The following GRIN2A variants were observed in gnomAD, a reference collection of about 807,000 sequenced individuals.
GRIN2A encodes glutamate receptor ionotropic, NMDA 2A.
A neutral mutation model predicts 113.4 loss-of-function variants in GRIN2A; 22 were observed. The observed-to-expected ratio is 0.19, with a 90% CI of 0.14 to 0.28. The LOEUF (loss-of-function observed/expected upper bound fraction) is 0.28. GRIN2A is among the 10% of genes least tolerant of loss of function. GRIN2A has a pLI of 1.00. For synonymous variants in GRIN2A, 827 were observed against 738.4 expected (o/e 1.12, Z -1.94); for missense variants, 1,502 against 1,887.0 (o/e 0.80, Z 3.78).
In GRIN2A at chr16:9,962,441, A is replaced by T. The variant is rs542454936; in HGVS notation, c.415-23890T>A. 2.8e-3 allele frequency among the ~76,000 whole-genome samples: 422 copies of T among 152,298 alleles called. 2 individuals are homozygous for T. The highest frequency in any genetic ancestry group is 9.6e-3 in the African/African-American group (397 of 41,560). The stretch of plus-strand genomic sequence containing the variant: ...GAAAAAAACAAACAACCCCATCAAA[A>T]AGTGGGCAAAGGATATGAACAGACA... On this transcript the variant is annotated intron_variant, in intron 2 of 12. Transcript: ENST00000330684.
chr16:10,015,266 A>AAAAAAG (rs1477324889), intron 2 of GRIN2A, among the ~76,000 whole-genome samples: 1 of 130,188 alleles, frequency 7.7e-6, no homozygotes, highest in Non-Finnish European at 1.6e-5. Flanking sequence ...AAAAAAAAAA[A>AAAAAAG]AAAAAGAAAA....
intron 2 of GRIN2A, among the ~76,000 whole-genome samples, chr16:9,990,058 T>C (rs1011444411): frequency 2.0e-5 from 3 of 152,138 alleles, no homozygotes; most frequent in African/African-American, 7.2e-5. Context: ...AAATAAATGG[T>C]TCCACCAAAA....
chr16:10,140,570 G>A (rs1359130367), intron 2 of GRIN2A, among the ~76,000 whole-genome samples: 3 of 152,134 alleles, frequency 2.0e-5, no homozygotes, highest in Non-Finnish European at 4.4e-5. Flanking sequence ...CTTTCTTCTG[G>A]CACTTTTGGG....
At chr16:10,007,977 G>A (rs1041376281) in intron 2 of GRIN2A, among the ~76,000 whole-genome samples, 2 of 152,162 alleles carry the variant, frequency 1.3e-5, no homozygotes, top group Non-Finnish European at 2.9e-5. Flanking sequence ...TCCTCTATAA[G>A]ATACAAGTAG....
chr16:10,069,859 G>T (rs1276450735), intron 2 of GRIN2A, among the ~76,000 whole-genome samples: 9 of 152,198 alleles, frequency 5.9e-5, no homozygotes, highest in African/African-American at 2.2e-4. Flanking sequence ...CCCACGTCTT[G>T]GGCTTAGGCA....
chr16:9,798,795 T>C (rs1193351651), intron 10 of GRIN2A, among the ~76,000 whole-genome samples: 1 of 152,204 alleles, frequency 6.6e-6, no homozygotes, highest in Non-Finnish European at 1.5e-5. Context: ...TAGAAAGGTT[T>C]GCATCAGAAC....
intron 2 of GRIN2A, among the ~76,000 whole-genome samples, chr16:10,090,505 T>C (rs573908870): frequency 6.6e-6 from 1 of 152,274 alleles, no homozygotes; most frequent in South Asian, 2.1e-4. Context: ...ACTTAAATCC[T>C]TATCTCCAAA....
At chr16:10,021,426 T>C (rs1341160784) in intron 2 of GRIN2A, among the ~76,000 whole-genome samples, 2 of 152,108 alleles carry the variant, frequency 1.3e-5, no homozygotes, top group African/African-American at 4.8e-5. Context: ...AGCTGGTAAG[T>C]GTTGGAGCCA....
chr16:10,038,335 G>A (rs1050166554), intron 2 of GRIN2A, among the ~76,000 whole-genome samples: 11 of 152,248 alleles, frequency 7.2e-5, no homozygotes, highest in Admixed American at 4.6e-4. Context: ...ATGAATTCTA[G>A]GGGGACGCTA....
Position 10,180,727 on chromosome 16 carries a change from C to A in GRIN2A, c.-18-298G>T. ...CATCCCCATCTCTGTCCATATCCCC[C>A]ACCGCATTCCCCAAGTTCGCCGCGG... On this transcript the variant is annotated intron_variant, in intron 1 of 12. Transcript: ENST00000330684. The surrounding 1 kb of genome is among the most constrained non-coding windows in gnomAD (Gnocchi z 7.0). The A allele has an allele frequency of 1.9e-6, 1 of 530,576 alleles. No individual in the cohort carries two copies. The highest frequency in any genetic ancestry group is 3.2e-5 in the Admixed American group (1 of 31,186). 32.9% of individuals were successfully genotyped at this position (530,576 alleles called of 1,614,324 possible).
intron 3 of GRIN2A, among the ~76,000 whole-genome samples, chr16:9,905,674 A>T (rs2044012852): frequency 6.6e-6 from 1 of 152,176 alleles, no homozygotes; most frequent in Admixed American, 6.5e-5. Context: ...GATATACAAT[A>T]AGCCCGGATC....
At position 9,944,828 on chromosome 16, in the gene GRIN2A, C is replaced by A. The variant is rs1440668022; in HGVS notation, c.415-6277G>T. Among the ~76,000 whole-genome samples the A allele has an allele frequency of 2.0e-5, 3 of 152,154 alleles. No homozygotes were observed. In the South Asian group the frequency reaches 6.2e-4, roughly 32 times the overall value. ...TGCTCTATGTACTTAAGCAGACCTG[C>A]CAGACCTACCACTCTAGAAAGAGAC... is the stretch of plus-strand genomic sequence containing the variant. On this transcript the variant is annotated intron_variant, in intron 2 of 12. Transcript: ENST00000330684.
intron 3 of GRIN2A, among the ~76,000 whole-genome samples, chr16:9,891,562 A>G (rs1409221757): frequency 1.3e-5 from 2 of 152,254 alleles, no homozygotes; most frequent in Admixed American, 1.3e-4. Context: ...GAAAATGAAC[A>G]TAATTCCCAC....
intron 2 of GRIN2A, among the ~76,000 whole-genome samples, chr16:10,061,290 T>C (rs1275260108): frequency 1.3e-5 from 2 of 152,228 alleles, no homozygotes; most frequent in African/African-American, 4.8e-5. Context: ...GAGGACACCA[T>C]GAAGCCACCT....
At chr16:9,968,243 T>C (rs575013867) in intron 2 of GRIN2A, among the ~76,000 whole-genome samples, 1 of 152,250 alleles carries the variant, frequency 6.6e-6, no homozygotes, top group South Asian at 2.1e-4. Context: ...GCATCTATCA[T>C]TTCTTTGCCT....
chr16:9,952,685 T>A (rs1278183295), intron 2 of GRIN2A, among the ~76,000 whole-genome samples: 1 of 152,162 alleles, frequency 6.6e-6, no homozygotes, highest in African/African-American at 2.4e-5. Flanking sequence ...ATAAGCTCCA[T>A]GAAGTCAGGT....
Position 9,763,105 on chromosome 16 carries a change from C to T in GRIN2A, c.*44G>A. 6.3e-7 allele frequency: 1 copy of T among 1,584,020 alleles called. No homozygotes were observed. Among genetic ancestry groups the T allele is most frequent in the Non-Finnish European group, 8.7e-7 (1 of 1,155,172 alleles). On this transcript the variant is annotated 3_prime_UTR_variant, in exon 13 of 13. Transcript: ENST00000330684. ...AACATTTACCCTCCAGAACATTGGC[C>T]ATTACGTATATTTCCCTATAGATAA...
intron 2 of GRIN2A, among the ~76,000 whole-genome samples, chr16:10,160,019 A>T (rs2049779203): frequency 6.6e-6 from 1 of 152,228 alleles, no homozygotes; most frequent in South Asian, 2.1e-4. Context: ...GAGTCTCCAG[A>T]GGGAGCACAG....
At chr16:9,869,325 C>T (rs1380836050) in intron 4 of GRIN2A, among the ~76,000 whole-genome samples, 2 of 151,982 alleles carry the variant, frequency 1.3e-5, no homozygotes, top group Admixed American at 6.6e-5. Flanking sequence ...CTCAGCTACT[C>T]GGGAGGCTGA....
Sources: allele counts gnomAD v4.1 joint callset (sites outside exome capture counted in the v4.1 genomes callset), GRCh38; gene constraint gnomAD v4.1.1; non-coding constraint Gnocchi (gnomAD v3.1); transcripts MANE v1.5; gene names NCBI Gene and HGNC (gene_info 2026-07-23, HGNC 2026-07-21).